The following CEP89 variants were observed in gnomAD, a reference collection of about 807,000 sequenced individuals.
CEP89 encodes centrosomal protein 89.
In CEP89, 95 loss-of-function variants were observed where a neutral mutation model predicts 97.6. The observed-to-expected ratio is 0.97, with a 90% CI of 0.82 to 1.15. CEP89 has a LOEUF of 1.15. CEP89 is among the 50% of genes most tolerant of loss of function. The probability of loss-of-function intolerance (pLI) is 0.00; values close to 1 mark genes in which losing one functional copy is unlikely to be tolerated. For missense variants in CEP89, 869 were observed against 947.7 expected, an observed-to-expected ratio of 0.92 and a Z score of 1.09; for synonymous variants, 354 against 349.1, an observed-to-expected ratio of 1.01 and a Z score of -0.16.
At chr19:32,881,631 G>A (rs542606836) in intron 18 of CEP89, among the ~76,000 whole-genome samples, 22 of 152,284 alleles carry the variant, frequency 1.4e-4, no homozygotes, top group African/African-American at 2.2e-4. Context: ...CATTGATTCC[G>A]GAAGTCCAGT....
chr19:32,943,813 G>C (rs1343221895), intron 5 of CEP89, among the ~76,000 whole-genome samples: 1 of 152,102 alleles, frequency 6.6e-6, no homozygotes, highest in Non-Finnish European at 1.5e-5. Flanking sequence ...AGGCCAAGCA[G>C]ATGGTGGGAC....
chr19:32,914,997 C>T (rs543133953), intron 14 of CEP89, among the ~76,000 whole-genome samples: 63 of 151,884 alleles, frequency 4.1e-4, no homozygotes, highest in African/African-American at 1.3e-3. Context: ...TTCTAGCCTG[C>T]GCAACAGAGT....
At chr19:32,920,742 C>T (rs1156719953) in intron 12 of CEP89, among the ~76,000 whole-genome samples, 2 of 152,032 alleles carry the variant, frequency 1.3e-5, no homozygotes, top group Non-Finnish European at 2.9e-5. Context: ...CCTCAGTCTC[C>T]CAAAGTGCTG....
intron 1 of CEP89, among the ~76,000 whole-genome samples, chr19:32,968,164 C>T (rs1285744221): frequency 6.6e-6 from 1 of 152,208 alleles, no homozygotes; most frequent in African/African-American, 2.4e-5. Context: ...TGGCACCTGC[C>T]ACCCTGTATT....
intron 7 of CEP89, among the ~76,000 whole-genome samples, chr19:32,934,289 C>G (rs1227670659): frequency 1.3e-5 from 2 of 152,074 alleles, no homozygotes; most frequent in African/African-American, 4.8e-5. Context: ...GCCCAGAGTC[C>G]CAGGGCAGCC....
At chr19:32,935,949 G>A (rs1218641905) in intron 7 of CEP89, among the ~76,000 whole-genome samples, 1 of 152,202 alleles carries the variant, frequency 6.6e-6, no homozygotes, top group African/African-American at 2.4e-5. Flanking sequence ...AGGGCTGCAT[G>A]CTCCACAGAG....
intron 16 of CEP89, among the ~76,000 whole-genome samples, chr19:32,892,014 G>A (rs1437831370): frequency 6.6e-6 from 1 of 150,716 alleles, no homozygotes; most frequent in Non-Finnish European, 1.5e-5. Flanking sequence ...TCCAGATATA[G>A]GAAGCTCAGG....
intron 5 of CEP89, among the ~76,000 whole-genome samples, chr19:32,943,285 CT>C (rs1315537597): frequency 2.6e-5 from 4 of 152,236 alleles, no homozygotes; most frequent in Non-Finnish European, 5.9e-5. Flanking sequence ...GCCTGAGCCA[CT>C]GTGCCTGGCC....
chr19:32,924,230 G>C (rs1413520591), intron 11 of CEP89, among the ~76,000 whole-genome samples: 1 of 152,030 alleles, frequency 6.6e-6, no homozygotes, highest in Non-Finnish European at 1.5e-5. Flanking sequence ...TAGGCTCAAG[G>C]AATCTTCCTG....
chr19:32,916,622 T>C (rs1970131681), intron 13 of CEP89, among the ~76,000 whole-genome samples: 1 of 152,220 alleles, frequency 6.6e-6, no homozygotes, highest in Non-Finnish European at 1.5e-5. Flanking sequence ...CTGTGTTACA[T>C]GGTTGCATGT....
At chr19:32,951,952 A>G (rs1970928827) in intron 4 of CEP89, among the ~76,000 whole-genome samples, 2 of 152,120 alleles carry the variant, frequency 1.3e-5, no homozygotes, top group Admixed American at 1.3e-4. Flanking sequence ...GTACAAAATA[A>G]CCAGCCGGCA....
chr19:32,883,575 T>C (rs1969331797), intron 17 of CEP89, among the ~76,000 whole-genome samples: 1 of 152,056 alleles, frequency 6.6e-6, no homozygotes, highest in African/African-American at 2.4e-5. Context: ...CTGGGGAGGC[T>C]GAGGCAGGAG....
At chr19:32,889,488 G>T (rs551058116) in intron 16 of CEP89, among the ~76,000 whole-genome samples, 16 of 152,316 alleles carry the variant, frequency 1.1e-4, no homozygotes, top group Middle Eastern at 3.4e-3. Context: ...GCAGGAGAAG[G>T]GAACACATTT....
intron 16 of CEP89, among the ~76,000 whole-genome samples, chr19:32,899,035 A>C (rs1458753274): frequency 6.6e-6 from 1 of 151,984 alleles, no homozygotes; most frequent in Non-Finnish European, 1.5e-5. Context: ...AAATGTAAAA[A>C]TATTATGCAT....
intron 13 of CEP89, 89 bp downstream of exon 13, chr19:32,918,135 A>T: frequency 9.2e-7 from 1 of 1,091,896 alleles, no homozygotes. Flanking sequence ...TCTCATTTTC[A>T]ACTGGGGCCC....
intron 16 of CEP89, among the ~76,000 whole-genome samples, chr19:32,889,366 C>G (rs1409269068): frequency 6.6e-6 from 1 of 152,170 alleles, no homozygotes; most frequent in Non-Finnish European, 1.5e-5. Flanking sequence ...TCCCTGGTGA[C>G]AGGTGGAGCC....
intron 1 of CEP89, chr19:32,971,328 A>C (rs1434394182): frequency 2.4e-6 from 1 of 418,206 alleles, no homozygotes; most frequent in Non-Finnish European, 4.2e-6. Context: ...GGGCACGGGG[A>C]CGAATGCTAC....
chr19:32,911,437 CT>C (rs1969998080), intron 14 of CEP89, among the ~76,000 whole-genome samples: 1 of 152,188 alleles, frequency 6.6e-6, no homozygotes, highest in Non-Finnish European at 1.5e-5. Context: ...GAGTGGACTG[CT>C]TGAGCCCAGC....
At chr19:32,895,753 A>T (rs917598996) in intron 16 of CEP89, among the ~76,000 whole-genome samples, 1 of 94,020 alleles carries the variant, frequency 1.1e-5, no homozygotes, top group East Asian at 2.6e-4. Flanking sequence ...GATCTGATAA[A>T]AAAAAAAAAA....
Sources: gnomAD v4.1 joint callset for allele counts (sites outside exome capture counted in the v4.1 genomes callset) on GRCh38, gnomAD v4.1.1 for gene constraint, MANE v1.5 for transcripts, NCBI Gene and HGNC (gene_info 2026-07-23, HGNC 2026-07-21) for gene names.